Variants in CLN6 observed in about 807,000 individuals in gnomAD.
CLN6 encodes ceroid-lipofuscinosis neuronal protein 6.
In CLN6, 22 loss-of-function variants were observed where a neutral mutation model predicts 33.3. That is an observed-to-expected ratio of 0.66 (90% CI 0.47 to 0.94). The LOEUF (loss-of-function observed/expected upper bound fraction) is 0.94. CLN6 is among the 40% of genes least tolerant of loss of function. The probability of loss-of-function intolerance (pLI) is 0.00; values close to 1 mark genes in which losing one functional copy is unlikely to be tolerated. For missense variants in CLN6, 387 were observed against 417.1 expected, an observed-to-expected ratio of 0.93 and a Z score of 0.63; for synonymous variants, 201 against 174.6, an observed-to-expected ratio of 1.15 and a Z score of -1.19.
In CLN6 at chr15:68,208,254, C is replaced by G; in HGVS notation, c.822G>C (p.Ala274=). ...CATTCCACAGCCAGGCGACCCAGAGCGCCACAAGCAAGAGGGTCAGTGCGA... is the reference window on the plus strand; with the variant it reads ...CATTCCACAGCCAGGCGACCCAGAGGGCCACAAGCAAGAGGGTCAGTGCGA... The part of the protein sequence containing the change: ...SSFALTLLLV[A]LWVAWLWNDP... The change falls in exon 7 of 7, where the codon GCG becomes GCC. Residue 274 remains alanine (A), a synonymous_variant. Coordinates refer to ENST00000249806, the MANE Select transcript of CLN6 (RefSeq NM_017882.3). This position sits in a 1 kb window ranked among gnomAD's most constrained non-coding sequence, Gnocchi z 5.8. 1 of 1,614,060 alleles carries G rather than the reference C, an allele frequency of 6.2e-7. No individual in the cohort carries two copies. The highest frequency in any genetic ancestry group is 1.1e-5 in the South Asian group (1 of 91,084).
At position 68,241,434 on chromosome 15, in the gene CLN6, A is replaced by C. The variant is rs937239737; in HGVS notation, c.179+15256T>G. On this transcript the variant is annotated intron_variant, in intron 1 of 6. Transcript: ENST00000538696. This position sits in a 1 kb window ranked among gnomAD's most constrained non-coding sequence, Gnocchi z 4.2. ...CCTCCCTATAATCTGCCCAGCACCA[A>C]GTGTGTGGGAAATTTCCCGACTCAA... is the stretch of plus-strand genomic sequence containing the variant. Among the ~76,000 whole-genome samples, 1 of 152,164 alleles carries C rather than the reference A, an allele frequency of 6.6e-6. No individual in the cohort carries two copies. The highest frequency in any genetic ancestry group is 6.6e-5 in the Admixed American group (1 of 15,250).
intron 1 of CLN6, among the ~76,000 whole-genome samples, chr15:68,237,693 A>G (rs1164975749): frequency 6.6e-6 from 1 of 152,238 alleles, no homozygotes; most frequent in African/African-American, 2.4e-5. Flanking sequence ...TCTAAAAAAT[A>G]TCCAATCAGA....
intron 1 of CLN6, among the ~76,000 whole-genome samples, chr15:68,243,796 G>A (rs995060588): frequency 6.6e-6 from 1 of 151,672 alleles, no homozygotes; most frequent in African/African-American, 2.4e-5. Flanking sequence ...GGGCATGGTG[G>A]CTCACGCCTG....
At chr15:68,244,630 CT>C (rs1892312063) in intron 1 of CLN6, among the ~76,000 whole-genome samples, 2 of 152,082 alleles carry the variant, frequency 1.3e-5, no homozygotes, top group African/African-American at 4.8e-5. Context: ...ATAAAACCTA[CT>C]GGTAAAATTA....
chr15:68,229,741 A>G (rs1034735822), upstream of CLN6: 1 of 353,970 alleles, frequency 2.8e-6, no homozygotes, highest in Non-Finnish European at 4.4e-6. Context: ...GGGGCTGCGG[A>G]CCCGGGGCGG....
intron 2 of CLN6, among the ~76,000 whole-genome samples, chr15:68,216,005 T>C (rs552520605): frequency 5.3e-5 from 8 of 152,346 alleles, no homozygotes; most frequent in Admixed American, 1.3e-4. Context: ...TTTAACAAAT[T>C]TGCAACTATT....
At chr15:68,254,664 A>G (rs1231276409) in intron 1 of CLN6, 1 of 720,248 alleles carries the variant, frequency 1.4e-6, no homozygotes, top group African/African-American at 1.8e-5. Context: ...GGTGATGCTA[A>G]AGGAGATAAA....
In CLN6 at chr15:68,254,747, CCCAA is replaced by C. The variant is rs142906181; in HGVS notation, c.179+1939_179+1942del. ...TAAACCTGCTCCTCCAAAGCCAGAG[CCCAA>C]ACCTAAAAAGGCCCCTGCAAAGAAG... On this transcript the variant is annotated intron_variant, in intron 1 of 6. Transcript: ENST00000538696. The C allele has an allele frequency of 6.6e-3, 5,072 of 768,306 alleles. 172 individuals are homozygous for C. In the African/African-American group the frequency reaches 0.076, roughly 12 times the overall value. 47.6% of individuals were successfully genotyped at this position (768,306 alleles called of 1,614,324 possible). A position where few individuals can be genotyped will look rare whatever the true frequency, so the allele number is the denominator to read the frequency against.
At chr15:68,215,605 G>C (rs1026181261) in intron 2 of CLN6, 2 of 151,914 alleles carry the variant, frequency 1.3e-5, no homozygotes, top group African/African-American at 4.8e-5. Flanking sequence ...CCAAAGTGCT[G>C]GCATTACAGG....
rs187941044 is a variant in CLN6, at chr15:68,241,532, G to A, written c.179+15158C>T. ...TCCACCATTGTGGGTTTCCTGGCAG[G>A]AGACCTTGCCTCTGCCTCAACCCAT... On this transcript the variant is annotated intron_variant, in intron 1 of 6. Coordinates refer to the CLN6 transcript ENST00000538696. The surrounding 1 kb of genome is among the most constrained non-coding windows in gnomAD (Gnocchi z 4.2). Among the ~76,000 whole-genome samples the A allele has an allele frequency of 4.4e-4, 67 of 151,994 alleles. No homozygotes were observed. The highest frequency in any genetic ancestry group is 6.8e-3 in the Middle Eastern group (2 of 294).
chr15:68,229,951 T>G (rs1236181826), upstream of CLN6, among the ~76,000 whole-genome samples: 3 of 152,130 alleles, frequency 2.0e-5, no homozygotes, highest in Non-Finnish European at 4.4e-5. Flanking sequence ...AATCTCTGTC[T>G]AGGGTGACTG....
chr15:68,241,383 A>G lies in CLN6; in HGVS notation c.179+15307T>C, dbSNP rs967220635. Among the ~76,000 whole-genome samples the G allele has an allele frequency of 6.6e-6, 1 of 152,188 alleles. No homozygotes were observed. The highest frequency in any genetic ancestry group is 6.6e-5 in the Admixed American group (1 of 15,256). On this transcript the variant is annotated intron_variant, in intron 1 of 6. Transcript: ENST00000538696. This position sits in a 1 kb window ranked among gnomAD's most constrained non-coding sequence, Gnocchi z 4.2. ...AAAAGCTCTGAGCAGTCAGTAAGAT[A>G]AATGGATTTCTACATCCATGACTCC...
intron 1 of CLN6, among the ~76,000 whole-genome samples, chr15:68,244,887 C>T (rs147682999): frequency 6.6e-6 from 1 of 151,930 alleles, no homozygotes; most frequent in Admixed American, 6.6e-5. Context: ...AACGCTGTCT[C>T]TACTAAAAAT....
intron 2 of CLN6, among the ~76,000 whole-genome samples, chr15:68,216,325 A>G (rs1166286203): frequency 6.6e-6 from 1 of 152,194 alleles, no homozygotes; most frequent in Admixed American, 6.5e-5. Flanking sequence ...CTTCTTGGAG[A>G]GAGAAATGAA....
chr15:68,239,171 G>A (rs1892259677), intron 1 of CLN6, among the ~76,000 whole-genome samples: 1 of 150,736 alleles, frequency 6.6e-6, no homozygotes, highest in Non-Finnish European at 1.5e-5. Context: ...CAATGCAGAA[G>A]AAAAAGGAAA....
intron 1 of CLN6, among the ~76,000 whole-genome samples, chr15:68,222,722 T>C (rs1205031206): frequency 6.6e-6 from 1 of 152,196 alleles, no homozygotes; most frequent in Non-Finnish European, 1.5e-5. Context: ...GAGATCAGAT[T>C]GTTACTGTGT....
upstream of CLN6, among the ~76,000 whole-genome samples, chr15:68,234,719 C>T (rs1178247768): frequency 2.6e-5 from 4 of 152,058 alleles, no homozygotes; most frequent in Admixed American, 2.6e-4. This position sits in a 1 kb window ranked among gnomAD's most constrained non-coding sequence, Gnocchi z 4.1. Flanking sequence ...TTCTTTCACT[C>T]TTAACAGTTG....
Position 68,250,775 on chromosome 15 carries a change from A to G in CLN6, c.179+5915T>C, listed in dbSNP as rs923647105. On this transcript the variant is annotated intron_variant, in intron 1 of 6. Transcript: ENST00000538696. Reference sequence around the variant, plus strand: ...CTCACGTTAGCCTACAGATAGGAAAAGATTAAAATTCAGGCTTTGAAGTAC... The same window carrying G: ...CTCACGTTAGCCTACAGATAGGAAAGGATTAAAATTCAGGCTTTGAAGTAC... Among the ~76,000 whole-genome samples, 6 of 152,336 alleles carry G rather than the reference A, an allele frequency of 3.9e-5. No individual in the cohort carries two copies. In the East Asian group the frequency reaches 1.2e-3, roughly 29 times the overall value.
chr15:68,233,773 G>A (rs1032124347), upstream of CLN6, among the ~76,000 whole-genome samples: 6 of 152,200 alleles, frequency 3.9e-5, no homozygotes, highest in African/African-American at 1.4e-4. This position sits in a 1 kb window ranked among gnomAD's most constrained non-coding sequence, Gnocchi z 4.3. Context: ...GCCTGACTAG[G>A]GGATCTCTAA....
Sources: gnomAD v4.1 joint callset for allele counts (sites outside exome capture counted in the v4.1 genomes callset) on GRCh38, gnomAD v4.1.1 for gene constraint, Gnocchi (gnomAD v3.1) non-coding constraint, MANE v1.5 for transcripts, NCBI Gene and HGNC (gene_info 2026-07-23, HGNC 2026-07-21) for gene names.